The following CTNNA2 variants were observed in gnomAD, a reference collection of about 807,000 sequenced individuals.
The protein encoded by CTNNA2 is catenin alpha 2, also known as catenin alpha-2.
A neutral mutation model predicts 101.0 loss-of-function variants in CTNNA2; 42 were observed. The observed-to-expected ratio is 0.42, with a 90% CI of 0.32 to 0.54. The LOEUF is 0.54. Among genes scored for constraint, CTNNA2 ranks in the 20% least tolerant of loss-of-function variants. CTNNA2 has a pLI of 0.14. For missense variants in CTNNA2, 871 were observed against 1,223.1 expected (o/e 0.71, Z 4.29); for synonymous variants, 450 against 456.4 (o/e 0.99, Z 0.18).
chr2:80,072,575 G>A (rs959915454), intron 7 of CTNNA2, among the ~76,000 whole-genome samples: 12 of 152,072 alleles, frequency 7.9e-5, no homozygotes, highest in Non-Finnish European at 1.5e-4. Context: ...TTCCATTTTT[G>A]GAAGTTGAAA....
chr2:80,590,554 T>C (rs1696396190), intron 15 of CTNNA2, among the ~76,000 whole-genome samples: 1 of 152,170 alleles, frequency 6.6e-6, no homozygotes, highest in Non-Finnish European at 1.5e-5. Flanking sequence ...GGTGACAACT[T>C]TTTTTAATGG....
chr2:80,443,985 A>T (rs974525984), intron 9 of CTNNA2, among the ~76,000 whole-genome samples: 28 of 152,170 alleles, frequency 1.8e-4, no homozygotes, highest in African/African-American at 6.3e-4. Flanking sequence ...TAAAATCATG[A>T]CATGAATAGG....
intron 2 of CTNNA2, among the ~76,000 whole-genome samples, chr2:79,708,995 T>C (rs1685569899): frequency 6.6e-6 from 1 of 152,208 alleles, no homozygotes; most frequent in South Asian, 2.1e-4. Flanking sequence ...CTTGACCTAT[T>C]ATGGTTTTAC....
At chr2:79,522,669 G>A (rs1351678001) in intron 1 of CTNNA2, among the ~76,000 whole-genome samples, 1 of 152,160 alleles carries the variant, frequency 6.6e-6, no homozygotes, top group Non-Finnish European at 1.5e-5. Context: ...AGGGAGATGA[G>A]ATCAATGAGC....
intron 1 of CTNNA2, among the ~76,000 whole-genome samples, chr2:79,616,041 T>G (rs1285513326): frequency 6.6e-6 from 1 of 152,188 alleles, no homozygotes; most frequent in East Asian, 1.9e-4. Flanking sequence ...TTTCTGTGGC[T>G]TCTTTCATGC....
intron 8 of CTNNA2, among the ~76,000 whole-genome samples, chr2:80,409,734 G>T (rs942151153): frequency 6.6e-6 from 1 of 152,228 alleles, no homozygotes; most frequent in African/African-American, 2.4e-5. Context: ...TGAGCTAATT[G>T]CATTAGTATC....
chr2:79,894,651 A>G (rs1324426530), intron 6 of CTNNA2, among the ~76,000 whole-genome samples: 1 of 152,152 alleles, frequency 6.6e-6, no homozygotes, highest in Non-Finnish European at 1.5e-5. Context: ...TCTGAATAAT[A>G]AATTTATATT....
intron 7 of CTNNA2, among the ~76,000 whole-genome samples, chr2:79,934,709 T>C (rs1687665345): frequency 6.6e-6 from 1 of 152,166 alleles, no homozygotes; most frequent in African/African-American, 2.4e-5. Context: ...AGATGTGATA[T>C]ACAGAGGGGA....
chr2:79,589,525 A>T (rs1234752672), intron 1 of CTNNA2, among the ~76,000 whole-genome samples: 1 of 151,996 alleles, frequency 6.6e-6, no homozygotes. Context: ...GACATACATT[A>T]TTGAGAAGAT....
At chr2:80,434,764 G>T (rs924088982) in intron 9 of CTNNA2, among the ~76,000 whole-genome samples, 77 of 152,166 alleles carry the variant, frequency 5.1e-4, no homozygotes, top group African/African-American at 1.7e-3. Context: ...AAAAAATTAA[G>T]CAGGAGATCA....
chr2:79,340,766 G>A (rs1248671597), intron 3 of CTNNA2, among the ~76,000 whole-genome samples: 2 of 148,166 alleles, frequency 1.3e-5, no homozygotes, highest in Non-Finnish European at 3.0e-5. Flanking sequence ...CCCGGGAGGC[G>A]GAGCTTGCAG....
intron 3 of CTNNA2, among the ~76,000 whole-genome samples, chr2:79,800,575 G>T (rs1676076536): frequency 6.6e-6 from 1 of 152,146 alleles, no homozygotes; most frequent in Non-Finnish European, 1.5e-5. Flanking sequence ...GTGTCTTGGG[G>T]AGTTTAGAGG....
chr2:79,711,538 C>T lies in CTNNA2; in HGVS notation c.103-32849C>T, dbSNP rs370300415. ...TCTTCATAACTTTCCCTAATAATGG[C>T]AATTGTTTAGTCTTTCCTATGTCAT... On this transcript the variant is annotated intron_variant, in intron 2 of 18. Transcript: ENST00000402739. 5.3e-5 allele frequency among the ~76,000 whole-genome samples: 8 copies of T among 152,178 alleles called. No homozygotes were observed. The East Asian group carries it at 1.5e-3, about 29-fold the overall frequency.
At chr2:79,539,688 T>G (rs1673290979) in intron 1 of CTNNA2, among the ~76,000 whole-genome samples, 1 of 152,142 alleles carries the variant, frequency 6.6e-6, no homozygotes, top group Non-Finnish European at 1.5e-5. Context: ...TGTGATCTCA[T>G]TTTTCCCTTC....
chr2:79,930,276 A>AAGAG (rs112999605), intron 7 of CTNNA2, among the ~76,000 whole-genome samples: 1 of 13,938 alleles, frequency 7.2e-5, no homozygotes, highest in African/African-American at 1.3e-4. Context: ...GAAAGAAAGA[A>AAGAG]AGAGAGAGAG....
chr2:80,009,213 A>G (rs183479053), intron 7 of CTNNA2, among the ~76,000 whole-genome samples: 41 of 152,276 alleles, frequency 2.7e-4, no homozygotes, highest in Middle Eastern at 3.4e-3. Context: ...TGATAAACAG[A>G]AAAGGAGATC....
intron 4 of CTNNA2, among the ~76,000 whole-genome samples, chr2:79,396,613 A>G (rs1359863723): frequency 6.6e-6 from 1 of 152,174 alleles, no homozygotes; most frequent in Non-Finnish European, 1.5e-5. Context: ...TTGAAAGCTC[A>G]ACATGGATTG....
intron 1 of CTNNA2, among the ~76,000 whole-genome samples, chr2:79,534,639 T>C (rs114929317): frequency 6.6e-6 from 1 of 152,262 alleles, no homozygotes; most frequent in African/African-American, 2.4e-5. Flanking sequence ...ATCACCTAGA[T>C]ACAGATATAT....
At chr2:79,895,741 C>T (rs550634564) in intron 6 of CTNNA2, among the ~76,000 whole-genome samples, 6 of 132,606 alleles carry the variant, frequency 4.5e-5, no homozygotes, top group Admixed American at 2.5e-4. Flanking sequence ...TTATGGGTAT[C>T]GTAAGGGAGA....
Sources: gnomAD v4.1 joint callset for allele counts (sites outside exome capture counted in the v4.1 genomes callset) on GRCh38, gnomAD v4.1.1 for gene constraint, MANE v1.5 for transcripts, NCBI Gene and HGNC (gene_info 2026-07-23, HGNC 2026-07-21) for gene names.